The following SERPINF2 variants were observed in gnomAD, a reference collection of about 807,000 sequenced individuals.
SERPINF2 encodes the protein serpin family F member 2, also known as alpha-2-antiplasmin.
A neutral mutation model predicts 45.0 loss-of-function variants in SERPINF2; 15 were observed. The ratio of observed to expected loss-of-function variants is 0.33; its 90% confidence interval spans 0.22 to 0.51. SERPINF2 has a LOEUF of 0.51. SERPINF2 is among the 20% of genes least tolerant of loss of function. The probability of loss-of-function intolerance (pLI) is 0.97; values close to 1 mark genes in which losing one functional copy is unlikely to be tolerated. For missense variants in SERPINF2, 518 were observed against 637.4 expected, an observed-to-expected ratio of 0.81 and a Z score of 2.02; for synonymous variants, 283 against 277.9, an observed-to-expected ratio of 1.02 and a Z score of -0.18.
In SERPINF2 at chr17:1,752,745, T is replaced by C. The variant is rs775050809; in HGVS notation, c.1018T>C (p.Tyr340His). ...RPTKVRLPKL[Y>H]LKHQMDLVAT... ...CACCAAGGTCCGGCTGCCTAAGCTGTATCTGAAACACCAAATGGACCTGGT... is the reference window on the plus strand; with the variant it reads ...CACCAAGGTCCGGCTGCCTAAGCTGCATCTGAAACACCAAATGGACCTGGT... Residue 340 changes from tyrosine (Y) to histidine (H), a missense_variant, in exon 9 of 10, where the codon TAT becomes CAT. Tyr to His is a moderately conservative substitution (Grantham distance 83). Coordinates refer to ENST00000453066, the MANE Select transcript of SERPINF2 (RefSeq NM_000934.4). The C allele has an allele frequency of 6.2e-7, 1 of 1,613,872 alleles. No homozygotes were observed. Among genetic ancestry groups the C allele is most frequent in the Non-Finnish European group, 8.5e-7 (1 of 1,179,982 alleles).
At chr17:1,748,116 G>A (rs78458711) in intron 7 of SERPINF2, among the ~76,000 whole-genome samples, 35,142 of 151,506 alleles carry the variant, frequency 0.23, 5,070 homozygotes, top group East Asian at 0.5. Context: ...TGGCTAACAC[G>A]GTGAAACCCC....
In SERPINF2 at chr17:1,745,464, G is replaced by A. The variant is rs983094087; in HGVS notation, c.165+69G>A. ...GAGGAGGGCCCATCGGCAGGGGTCG[G>A]GGGGTGGGGGCGCGTGCTGAGGCTG... is the stretch of plus-strand genomic sequence containing the variant. On this transcript the variant is annotated intron_variant, in intron 4 of 9. Coordinates refer to ENST00000453066, the MANE Select transcript of SERPINF2 (RefSeq NM_000934.4). This position sits in a 1 kb window ranked among gnomAD's most constrained non-coding sequence, Gnocchi z 6.2. 1.3e-6 allele frequency: 2 copies of A among 1,485,282 alleles called. No homozygotes were observed. The highest frequency in any genetic ancestry group is 9.3e-7 in the Non-Finnish European group (1 of 1,077,272). The allele number at this position is 1,485,282 out of a possible 1,614,324, so 92.0% of individuals were successfully genotyped here. A position where few individuals can be genotyped will look rare whatever the true frequency, so the allele number is the denominator to read the frequency against.
Position 1,755,147 on chromosome 17 carries a change from CCCT to C in SERPINF2, c.*618_*620del, listed in dbSNP as rs1268429908. 2 of 153,448 alleles carry C rather than the reference CCCT, an allele frequency of 1.3e-5. No individual in the cohort carries two copies. Among genetic ancestry groups the C allele is most frequent in the African/African-American group, 4.8e-5 (2 of 41,508 alleles). The allele number at this position is 153,448 out of a possible 1,614,324, so 9.5% of individuals were successfully genotyped here. A position where few individuals can be genotyped will look rare whatever the true frequency, so the allele number is the denominator to read the frequency against. On this transcript the variant is annotated 3_prime_UTR_variant, in exon 10 of 10. Coordinates refer to ENST00000453066, the MANE Select transcript of SERPINF2 (RefSeq NM_000934.4). The surrounding 1 kb of genome is among the most constrained non-coding windows in gnomAD (Gnocchi z 4.2). ...ATTTCCCTTCCTTCCTCTCCTGTCT[CCCT>C]CCTCTGCCCGGGAGCTCAGGAACCG...
intron 1 of SERPINF2, chr17:1,744,774 C>T (rs1905639207): frequency 1.0e-6 from 1 of 985,404 alleles, no homozygotes; most frequent in East Asian, 1.1e-4. Context: ...ATATGAAACA[C>T]CAGAAACTAA....
chr17:1,749,294 A>C (rs1160182453), intron 8 of SERPINF2, among the ~76,000 whole-genome samples: 1 of 152,112 alleles, frequency 6.6e-6, no homozygotes, highest in Non-Finnish European at 1.5e-5. Flanking sequence ...GCGTGGTGGC[A>C]GGTGCCTGTA....
At chr17:1,747,815 C>T (rs1273567006) in intron 7 of SERPINF2, among the ~76,000 whole-genome samples, 5 of 151,986 alleles carry the variant, frequency 3.3e-5, no homozygotes, top group South Asian at 2.1e-4. Context: ...CCACCCACCT[C>T]GGCCTCCCAA....
At chr17:1,748,859 T>C in intron 8 of SERPINF2, 119 bp downstream of exon 8, 1 of 756,526 alleles carries the variant, frequency 1.3e-6, no homozygotes, top group Non-Finnish European at 2.4e-6. Flanking sequence ...TGCCTCCACG[T>C]CCCCTAGGCA....
intron 9 of SERPINF2, among the ~76,000 whole-genome samples, chr17:1,753,599 T>C (rs1005232754): frequency 3.3e-5 from 5 of 152,102 alleles, no homozygotes; most frequent in East Asian, 1.9e-4. Context: ...GGCAGGAGAA[T>C]TGCTTGAACC....
intron 1 of SERPINF2, among the ~76,000 whole-genome samples, chr17:1,744,045 A>C (rs1905559646): frequency 6.6e-6 from 1 of 150,874 alleles, no homozygotes; most frequent in Admixed American, 6.6e-5. Flanking sequence ...ACAGGGGCCC[A>C]CCACCACGCC....
In SERPINF2 at chr17:1,748,500, G is replaced by A. The variant is rs917481869; in HGVS notation, c.716-98G>A. 3.3e-6 allele frequency: 5 copies of A among 1,508,374 alleles called. No homozygotes were observed. The Admixed American group carries it at 8.3e-5, about 25-fold the overall frequency. The allele number at this position is 1,508,374 out of a possible 1,614,324, so 93.4% of individuals were successfully genotyped here. A position where few individuals can be genotyped will look rare whatever the true frequency, so the allele number is the denominator to read the frequency against. On this transcript the variant is annotated intron_variant, in intron 7 of 9. Coordinates refer to ENST00000453066, the MANE Select transcript of SERPINF2 (RefSeq NM_000934.4). Reference sequence around the variant, plus strand: ...CTGGGTGGGACAGGCAACGGGCTGGGGGTGCAGAGCCCAAGCTGGTCCCCA... The same window carrying A: ...CTGGGTGGGACAGGCAACGGGCTGGAGGTGCAGAGCCCAAGCTGGTCCCCA...
chr17:1,750,707 G>C (rs1482721413), intron 8 of SERPINF2, among the ~76,000 whole-genome samples: 1 of 152,188 alleles, frequency 6.6e-6, no homozygotes, highest in African/African-American at 2.4e-5. Context: ...GGCTGAGATG[G>C]CTGTATTTGT....
rs555704303 is a variant in SERPINF2, at chr17:1,752,810, C to A, written c.1063+20C>A. ...AGCTGGGTAAGGAGGAGGGTGCGGG[C>A]GAGCCCCCGAGGTCAGGCTGGGCAG... On this transcript the variant is annotated intron_variant, in intron 9 of 9. Coordinates refer to ENST00000453066, the MANE Select transcript of SERPINF2 (RefSeq NM_000934.4). The A allele has an allele frequency of 3.2e-6, 5 of 1,579,020 alleles. No homozygotes were observed. Among genetic ancestry groups the A allele is most frequent in the Admixed American group, 3.7e-5 (2 of 54,644 alleles).
At chr17:1,746,890 C>A in intron 5 of SERPINF2, 129 bp from the exon 6 acceptor site, 1 of 1,262,252 alleles carries the variant, frequency 7.9e-7, no homozygotes, top group Non-Finnish European at 1.1e-6. Flanking sequence ...AGAACAGATC[C>A]GTGGCTGTGG....
At chr17:1,752,200 C>G (rs138681705) in intron 8 of SERPINF2, among the ~76,000 whole-genome samples, 28 of 152,040 alleles carry the variant, frequency 1.8e-4, no homozygotes, top group African/African-American at 6.3e-4. Flanking sequence ...TACAAGCGCC[C>G]GTCACCACAG....
intron 8 of SERPINF2, among the ~76,000 whole-genome samples, chr17:1,750,816 G>T (rs1906323514): frequency 6.6e-6 from 1 of 152,198 alleles, no homozygotes; most frequent in South Asian, 2.1e-4. Context: ...CTGTGGGTGA[G>T]GCTGGCCCGG....
Position 1,746,040 on chromosome 17 carries a change from G to T in SERPINF2, c.367+131G>T, listed in dbSNP as rs2151188937. ...GTTTGGTAAAAATGCAGATTCCTAG[G>T]CCGGGGCGGTGGCTCACGCCTGTAA... On this transcript the variant is annotated intron_variant, in intron 5 of 9. Coordinates refer to ENST00000453066, the MANE Select transcript of SERPINF2 (RefSeq NM_000934.4). The T allele has an allele frequency of 3.8e-6, 4 of 1,046,580 alleles. No individual in the cohort carries two copies. The East Asian group carries it at 9.6e-5, about 25-fold the overall frequency. 64.8% of individuals were successfully genotyped at this position (1,046,580 alleles called of 1,614,324 possible). A position where few individuals can be genotyped will look rare whatever the true frequency, so the allele number is the denominator to read the frequency against.
At position 1,745,472 on chromosome 17, in the gene SERPINF2, G is replaced by C; in HGVS notation, c.165+77G>C. ...CCCATCGGCAGGGGTCGGGGGGTGG[G>C]GGCGCGTGCTGAGGCTGAGGCTCTG... is the stretch of plus-strand genomic sequence containing the variant. On this transcript the variant is annotated intron_variant, in intron 4 of 9. Coordinates refer to ENST00000453066, the MANE Select transcript of SERPINF2 (RefSeq NM_000934.4). The surrounding 1 kb of genome is among the most constrained non-coding windows in gnomAD (Gnocchi z 6.2). The C allele has an allele frequency of 6.9e-7, 1 of 1,446,562 alleles. No homozygotes were observed. The allele number at this position is 1,446,562 out of a possible 1,614,324, so 89.6% of individuals were successfully genotyped here. A position where few individuals can be genotyped will look rare whatever the true frequency, so the allele number is the denominator to read the frequency against.
Position 1,752,568 on chromosome 17 carries a change from C to G in SERPINF2, c.859-18C>G, listed in dbSNP as rs2151196627. The G allele has an allele frequency of 1.9e-6, 3 of 1,612,952 alleles. 1 individual carries two copies. The Middle Eastern group carries it at 5.0e-4, about 267-fold the overall frequency. On this transcript the variant is annotated intron_variant, in intron 8 of 9. Coordinates refer to ENST00000453066, the MANE Select transcript of SERPINF2 (RefSeq NM_000934.4). ...CGGGGCTTTCTGTCCTCATGCTCTT[C>G]CCTTCCCTTTTCTGTAGGTGGCTCA...
chr17:1,754,168 G>T lies in SERPINF2; in HGVS notation c.1110G>T (p.Glu370Asp). 6.2e-7 allele frequency: 1 copy of T among 1,610,968 alleles called. No individual in the cohort carries two copies. Among genetic ancestry groups the T allele is most frequent in the Non-Finnish European group, 8.5e-7 (1 of 1,180,028 alleles). ...FQAPDLRGIS[E>D]QSLVVSGVQH... Reference sequence around the variant, plus strand: ...CCCCAGACCTGCGTGGGATCTCCGAGCAGAGCCTGGTGGTGTCCGGCGTGC... The same window carrying T: ...CCCCAGACCTGCGTGGGATCTCCGATCAGAGCCTGGTGGTGTCCGGCGTGC... Residue 370 changes from glutamate to aspartate, a missense_variant, in exon 10 of 10, where the codon GAG (glutamate) becomes GAT (aspartate). By Grantham distance (45) the Glu-to-Asp change is conservative. Around this residue, in one of 2 missense-constraint regions of SERPINF2, gnomAD observed 435 missense variants for 577.3 expected, o/e 0.75. Transcript: ENST00000453066.
Sources: gnomAD v4.1 joint callset for allele counts (sites outside exome capture counted in the v4.1 genomes callset) on GRCh38, gnomAD v4.1.1 for gene constraint, gnomAD v4.1.1 regional missense constraint, Gnocchi (gnomAD v3.1) non-coding constraint, MANE v1.5 for transcripts, NCBI Gene and HGNC (gene_info 2026-07-23, HGNC 2026-07-21) for gene names.